The following BCL2L14 variants were observed in gnomAD, a reference collection of about 807,000 sequenced individuals.
The protein encoded by BCL2L14 is BCL2 like 14.
Under a neutral mutation model 35.3 loss-of-function variants are expected in BCL2L14, and 27 were observed. The observed-to-expected ratio is 0.76, with a 90% CI of 0.56 to 1.05. The LOEUF is 1.05. Among genes scored for constraint, BCL2L14 ranks in the 50% least tolerant of loss-of-function variants. The pLI, the probability that BCL2L14 is intolerant of heterozygous loss-of-function variation, is 0.00. For synonymous variants in BCL2L14, 139 were observed against 145.9 expected (o/e 0.95, Z 0.34); for missense variants, 377 against 382.6 (o/e 0.99, Z 0.12).
At chr12:12,050,805 AAAAAAAAAG>A (rs1328719500) in intron 1 of BCL2L14, among the ~76,000 whole-genome samples, 1 of 140,932 alleles carries the variant, frequency 7.1e-6, no homozygotes, top group Non-Finnish European at 1.6e-5. Context: ...AAAAAAAAAA[AAAAAAAAAG>A]AAAAGAAAAG....
At chr12:12,050,442 AAAAAAAAG>A (rs1275607625) in intron 1 of BCL2L14, among the ~76,000 whole-genome samples, 1 of 146,750 alleles carries the variant, frequency 6.8e-6, no homozygotes, top group Non-Finnish European at 1.5e-5. Flanking sequence ...CAAAAAAAAA[AAAAAAAAG>A]AAAAGAAAAG....
At chr12:12,068,518 T>C (rs998724214), upstream of BCL2L14, among the ~76,000 whole-genome samples, 1 of 152,176 alleles carries the variant, frequency 6.6e-6, no homozygotes, top group South Asian at 2.1e-4. Flanking sequence ...TCTTTCTGTC[T>C]CAGACTACCA....
chr12:12,097,088 T>C (rs544644030), intron 5 of BCL2L14, among the ~76,000 whole-genome samples: 1 of 152,180 alleles, frequency 6.6e-6, no homozygotes, highest in Admixed American at 6.5e-5. Flanking sequence ...GAGCTTGCAG[T>C]GAGCCAAGAT....
chr12:12,076,328 G>A lies in BCL2L14; in HGVS notation c.-7-2971G>A, dbSNP rs574626065. On this transcript the variant is annotated intron_variant, in intron 1 of 5. Coordinates refer to ENST00000308721, the MANE Select transcript of BCL2L14 (RefSeq NM_138723.2). ...TGACGTGACTCCTTACAGAGCAAAC[G>A]ATTTGCATGTAAGTGAAATGCATGT... Among the ~76,000 whole-genome samples, 194 of 151,820 alleles carry A rather than the reference G, an allele frequency of 1.3e-3. 1 individual carries two copies. Among genetic ancestry groups the A allele is most frequent in the South Asian group, 0.011 (54 of 4,782 alleles).
At chr12:12,065,997 A>G (rs1158018032), upstream of BCL2L14, among the ~76,000 whole-genome samples, 1 of 151,858 alleles carries the variant, frequency 6.6e-6, no homozygotes, top group Non-Finnish European at 1.5e-5. Context: ...CGCCATGATG[A>G]CCAGGCTGGT....
At chr12:12,076,801 T>G (rs1948789325) in intron 1 of BCL2L14, among the ~76,000 whole-genome samples, 2 of 152,114 alleles carry the variant, frequency 1.3e-5, no homozygotes, top group Non-Finnish European at 2.9e-5. Flanking sequence ...GAGACAGTGA[T>G]GGAAAAAGGC....
intron 4 of BCL2L14, among the ~76,000 whole-genome samples, chr12:12,093,710 T>C (rs902544753): frequency 6.6e-6 from 1 of 150,430 alleles, no homozygotes; most frequent in Non-Finnish European, 1.5e-5. Flanking sequence ...GGAGAGTTGC[T>C]TGAACCTGGG....
chr12:12,075,653 G>A (rs1288800611), intron 1 of BCL2L14, among the ~76,000 whole-genome samples: 5 of 150,242 alleles, frequency 3.3e-5, no homozygotes, highest in African/African-American at 7.4e-5. Flanking sequence ...TCAAACTCCC[G>A]ACCTCTGGTG....
chr12:12,056,238 C>T (rs925812021), intron 2 of BCL2L14, among the ~76,000 whole-genome samples: 9 of 152,264 alleles, frequency 5.9e-5, no homozygotes, highest in African/African-American at 1.9e-4. Context: ...TGCGATAGTC[C>T]CGGATAAAAT....
intron 1 of BCL2L14, among the ~76,000 whole-genome samples, chr12:12,050,432 C>CAAA (rs774928633): frequency 0.079 from 5,490 of 69,642 alleles, 167 homozygotes; most frequent in Non-Finnish European, 0.12. Flanking sequence ...GACACCATCT[C>CAAA]AAAAAAAAAA....
chr12:12,066,178 T>C (rs555182406), upstream of BCL2L14, among the ~76,000 whole-genome samples: 3 of 152,342 alleles, frequency 2.0e-5, no homozygotes, highest in East Asian at 5.8e-4. Context: ...GGGAGTGGCA[T>C]GTTGACCCCT....
At chr12:12,088,778 A>T (rs1243468758) in intron 3 of BCL2L14, among the ~76,000 whole-genome samples, 2 of 152,122 alleles carry the variant, frequency 1.3e-5, no homozygotes, top group Non-Finnish European at 2.9e-5. Flanking sequence ...CGTGTCTCCC[A>T]ACCCCGATGC....
At chr12:12,069,935 G>A (rs73287688), upstream of BCL2L14, among the ~76,000 whole-genome samples, 939 of 152,144 alleles carry the variant, frequency 6.2e-3, 2 homozygotes, top group African/African-American at 0.021. Context: ...CCACTTTTAC[G>A]AAAATAGCAT....
At chr12:12,069,009 TTGCCATAACATTTGTAA>T (rs1487172062), upstream of BCL2L14, among the ~76,000 whole-genome samples, 4 of 152,322 alleles carry the variant, frequency 2.6e-5, no homozygotes, top group East Asian at 7.7e-4. Context: ...CTTCCAGACA[TTGCCATAACATTTGTAA>T]ACTGACATGG....
chr12:12,088,464 G>A (rs1000431634), intron 3 of BCL2L14, among the ~76,000 whole-genome samples: 2 of 152,134 alleles, frequency 1.3e-5, no homozygotes, highest in Non-Finnish European at 2.9e-5. Flanking sequence ...AAATGCGGCC[G>A]CCATGTTGGA....
At chr12:12,093,874 G>A (rs1477155087) in intron 4 of BCL2L14, among the ~76,000 whole-genome samples, 2 of 151,502 alleles carry the variant, frequency 1.3e-5, no homozygotes, top group Admixed American at 1.3e-4. Context: ...CCAACACTTT[G>A]GGGAGGCTGA....
At chr12:12,092,386 A>G (rs1949207897) in intron 4 of BCL2L14, among the ~76,000 whole-genome samples, 3 of 152,232 alleles carry the variant, frequency 2.0e-5, no homozygotes, top group Admixed American at 2.0e-4. Flanking sequence ...CTTCCCCAGT[A>G]GGGAGCTCTG....
rs1020328510 is a variant in BCL2L14 at position 12,071,072 on chromosome 12, G to A, written c.-73G>A. Reference sequence around the variant, plus strand: ...TTAAGTTTCGTGGAGAGAGACTCAGGTATAGAAATATCCTTACTGCCACCT... The same window carrying A: ...TTAAGTTTCGTGGAGAGAGACTCAGATATAGAAATATCCTTACTGCCACCT... On this transcript the variant is annotated 5_prime_UTR_variant, in exon 1 of 6. Transcript: ENST00000308721. The A allele has an allele frequency of 2.6e-5, 4 of 152,182 alleles. No homozygotes were observed. The highest frequency in any genetic ancestry group is 4.4e-5 in the Non-Finnish European group (3 of 68,030). The allele number at this position is 152,182 out of a possible 1,614,324, so 9.4% of individuals were successfully genotyped here. A position where few individuals can be genotyped will look rare whatever the true frequency, so the allele number is the denominator to read the frequency against.
In BCL2L14 at chr12:12,050,544, G is replaced by A. The variant is rs146290777; in HGVS notation, c.-324+590G>A. ...CAAGGGGGACACTTATTAGTGAGGAGTCTGCAAAAACAGAAAGGTTTTAGC... is the reference window on the plus strand; with the variant it reads ...CAAGGGGGACACTTATTAGTGAGGAATCTGCAAAAACAGAAAGGTTTTAGC... On this transcript the variant is annotated intron_variant, in intron 1 of 3. Transcript: ENST00000461264. Among the ~76,000 whole-genome samples the A allele has an allele frequency of 5.3e-5, 8 of 151,816 alleles. No individual in the cohort carries two copies. In the East Asian group the frequency reaches 1.3e-3, roughly 26 times the overall value.
Sources: gnomAD v4.1 joint callset for allele counts (sites outside exome capture counted in the v4.1 genomes callset) on GRCh38, gnomAD v4.1.1 for gene constraint, MANE v1.5 for transcripts, NCBI Gene and HGNC (gene_info 2026-07-23, HGNC 2026-07-21) for gene names.